Variants in DTNB observed in about 807,000 individuals in gnomAD.
DTNB encodes the protein dystrobrevin beta, also known as DTN-B.
A neutral mutation model predicts 90.7 loss-of-function variants in DTNB; 63 were observed. That is an observed-to-expected ratio of 0.69 (90% CI 0.57 to 0.86). DTNB has a LOEUF of 0.86. Among genes scored for constraint, DTNB ranks in the 40% least tolerant of loss-of-function variants. DTNB has a pLI of 0.00. For missense variants in DTNB, 744 were observed against 807.1 expected (o/e 0.92, Z 0.95); for synonymous variants, 277 against 286.7 (o/e 0.97, Z 0.34).
intron 9 of DTNB, among the ~76,000 whole-genome samples, chr2:25,500,116 G>T (rs1183245855): frequency 6.6e-6 from 1 of 151,970 alleles, no homozygotes; most frequent in Non-Finnish European, 1.5e-5. Context: ...GGCCAGGGCT[G>T]GTCTTGAACT....
intron 6 of DTNB, among the ~76,000 whole-genome samples, chr2:25,590,517 G>A (rs959304074): frequency 2.6e-5 from 4 of 152,068 alleles, no homozygotes; most frequent in East Asian, 3.9e-4. Context: ...GCAGCTGATC[G>A]TCCTGATGTC....
chr2:25,633,848 C>T (rs1055755753), intron 3 of DTNB, among the ~76,000 whole-genome samples: 1 of 150,708 alleles, frequency 6.6e-6, no homozygotes, highest in African/African-American at 2.4e-5. Flanking sequence ...GTGAGGAGCG[C>T]CTCTACCCGG....
At chr2:25,533,913 C>T (rs1209278207) in intron 8 of DTNB, among the ~76,000 whole-genome samples, 1 of 152,088 alleles carries the variant, frequency 6.6e-6, no homozygotes, top group East Asian at 1.9e-4. Flanking sequence ...TGCTATACTG[C>T]TGCTACACTG....
In DTNB at chr2:25,433,095, C is replaced by T. The variant is rs2054505103; in HGVS notation, c.1344-96G>A. On this transcript the variant is annotated intron_variant, in intron 13 of 20. Transcript: ENST00000406818. ...AACTTTTCAACTCTAGCAGTGCCTC[C>T]TCTACCAATCTTGTTTTGATTGCTT... 1.1e-5 allele frequency: 13 copies of T among 1,199,016 alleles called. No homozygotes were observed. The South Asian group carries it at 2.0e-4, about 19-fold the overall frequency. The allele number at this position is 1,199,016 out of a possible 1,614,324, so 74.3% of individuals were successfully genotyped here.
intron 16 of DTNB, among the ~76,000 whole-genome samples, chr2:25,417,782 G>A (rs1033582633): frequency 1.3e-5 from 2 of 152,128 alleles, no homozygotes; most frequent in African/African-American, 4.8e-5. Context: ...CATAACAAGG[G>A]GATGAGACCA....
At position 25,528,654 on chromosome 2, in the gene DTNB, A is replaced by G. The variant is rs2077594642; in HGVS notation, c.1001+2819T>C. Among the ~76,000 whole-genome samples, 12 of 152,370 alleles carry G rather than the reference A, an allele frequency of 7.9e-5. No homozygotes were observed. The South Asian group carries it at 2.3e-3, about 29-fold the overall frequency. On this transcript the variant is annotated intron_variant, in intron 9 of 20. Transcript: ENST00000406818. ...CACTAGTAACAAACTGTTAAGAAAT[A>G]TAATTCAGAAAATATTCCATTTGCA... is the stretch of plus-strand genomic sequence containing the variant.
intron 8 of DTNB, among the ~76,000 whole-genome samples, chr2:25,548,840 C>T (rs778513861): frequency 6.6e-6 from 1 of 152,074 alleles, no homozygotes; most frequent in Non-Finnish European, 1.5e-5. Context: ...AGGGCAGAAC[C>T]GGGGACATCA....
chr2:25,425,307 A>C (rs368089071), intron 15 of DTNB, among the ~76,000 whole-genome samples: 32 of 152,126 alleles, frequency 2.1e-4, no homozygotes, highest in African/African-American at 3.4e-4. Flanking sequence ...ACCACCACCA[A>C]CACCACCAAC....
intron 8 of DTNB, among the ~76,000 whole-genome samples, chr2:25,545,916 C>G (rs1464813742): frequency 1.3e-5 from 2 of 152,198 alleles, no homozygotes; most frequent in African/African-American, 4.8e-5. Flanking sequence ...GCCACCGTGC[C>G]CGGCTTAGAA....
chr2:25,398,355 C>T (rs1219271192), intron 16 of DTNB, among the ~76,000 whole-genome samples: 8 of 152,222 alleles, frequency 5.3e-5, no homozygotes, highest in Non-Finnish European at 1.2e-4. Flanking sequence ...GGTGTTATTT[C>T]TCCATGGGTC....
chr2:25,558,629 C>CA (rs2057752716), intron 8 of DTNB, among the ~76,000 whole-genome samples: 1 of 152,234 alleles, frequency 6.6e-6, no homozygotes, highest in Non-Finnish European at 1.5e-5. Context: ...TATTTGATCG[C>CA]ATCCATCTTT....
chr2:25,481,401 T>C (rs2064927873), intron 10 of DTNB, among the ~76,000 whole-genome samples: 2 of 68,698 alleles, frequency 2.9e-5, no homozygotes, highest in Non-Finnish European at 5.8e-5. Context: ...AGAGACAGTG[T>C]CTCCAAATTT....
chr2:25,440,098 C>T (rs577084201), intron 12 of DTNB, among the ~76,000 whole-genome samples: 20 of 152,044 alleles, frequency 1.3e-4, no homozygotes, highest in South Asian at 6.2e-4. Context: ...AAAAGATGCC[C>T]AGAAAAAAAA....
At chr2:25,496,107 C>T (rs1464510329) in intron 9 of DTNB, among the ~76,000 whole-genome samples, 1 of 152,096 alleles carries the variant, frequency 6.6e-6, no homozygotes, top group Non-Finnish European at 1.5e-5. Context: ...TAGAAAGGGA[C>T]AGAATTGTAA....
chr2:25,574,606 A>G (rs2148109775), intron 8 of DTNB, among the ~76,000 whole-genome samples: 1 of 152,366 alleles, frequency 6.6e-6, no homozygotes, highest in East Asian at 1.9e-4. Context: ...GTTAGTATAA[A>G]CACAGCCGAC....
intron 4 of DTNB, among the ~76,000 whole-genome samples, chr2:25,622,790 A>G (rs908322607): frequency 3.3e-5 from 5 of 152,222 alleles, no homozygotes; most frequent in African/African-American, 7.2e-5. Context: ...GTTTGGAAGC[A>G]TAAGTCCTAG....
chr2:25,408,407 C>T lies in DTNB; in HGVS notation c.1575+11108G>A, dbSNP rs552731637. 1.1e-4 allele frequency among the ~76,000 whole-genome samples: 16 copies of T among 150,622 alleles called. No homozygotes were observed. In the South Asian group the frequency reaches 1.7e-3, roughly 16 times the overall value. ...AACAAAAATTAGTTGGGTGTGGTGA[C>T]GTGCACCTGTAGTCCCAGCTACTCA... On this transcript the variant is annotated intron_variant, in intron 16 of 20. Transcript: ENST00000406818.
chr2:25,641,621 C>T (rs142558367), intron 2 of DTNB, among the ~76,000 whole-genome samples: 1 of 152,202 alleles, frequency 6.6e-6, no homozygotes, highest in East Asian at 1.9e-4. Context: ...GAGATATTGG[C>T]CCAAAGCTGA....
At chr2:25,598,861 T>C (rs975298927) in intron 5 of DTNB, 24 of 151,468 alleles carry the variant, frequency 1.6e-4, no homozygotes, top group African/African-American at 5.6e-4. Flanking sequence ...CAATTTATAG[T>C]GAGAAAAAAA....
Sources: gnomAD v4.1 joint callset for allele counts (sites outside exome capture counted in the v4.1 genomes callset) on GRCh38, gnomAD v4.1.1 for gene constraint, MANE v1.5 for transcripts, NCBI Gene and HGNC (gene_info 2026-07-23, HGNC 2026-07-21) for gene names.